The following USP30 variants were observed in gnomAD, a reference collection of about 807,000 sequenced individuals.
USP30 encodes the protein ubiquitin specific peptidase 30.
USP30 carries 41 observed loss-of-function variants against 68.2 expected under a neutral mutation model. The observed-to-expected ratio is 0.60, with a 90% CI of 0.47 to 0.78. The LOEUF is 0.78. Ranked by LOEUF, USP30 falls within the 30% of genes least tolerant of loss-of-function variation. USP30 has a pLI of 0.00. For synonymous variants in USP30, 229 were observed against 253.7 expected (o/e 0.90, Z 0.93); for missense variants, 522 against 649.4 (o/e 0.80, Z 2.13).
At chr12:109,031,752 CA>C (rs1323286307) in intron 3 of USP30, among the ~76,000 whole-genome samples, 5 of 151,998 alleles carry the variant, frequency 3.3e-5, no homozygotes, top group African/African-American at 1.2e-4. Flanking sequence ...CCAGTAACAA[CA>C]AAAAAATATT....
chr12:109,036,056 A>T (rs978056779), intron 3 of USP30, among the ~76,000 whole-genome samples: 6 of 152,092 alleles, frequency 3.9e-5, no homozygotes, highest in African/African-American at 1.2e-4. Flanking sequence ...GCTAATTGGG[A>T]GGCTGAGGTG....
intron 3 of USP30, among the ~76,000 whole-genome samples, chr12:109,033,507 T>C (rs909997164): frequency 2.4e-4 from 36 of 152,188 alleles, no homozygotes; most frequent in Admixed American, 1.2e-3. Context: ...ATTATTAATA[T>C]AGCCTTGGAG....
At chr12:109,053,851 C>A in intron 1 of USP30, 1 of 328,386 alleles carries the variant, frequency 3.0e-6, no homozygotes, top group South Asian at 2.5e-5. Context: ...CTCTCCCATC[C>A]CCTTGACACT....
chr12:109,033,049 A>T (rs535560444), intron 3 of USP30, among the ~76,000 whole-genome samples: 359 of 152,370 alleles, frequency 2.4e-3, no homozygotes, highest in Admixed American at 4.2e-3. Context: ...TCCTATTCTT[A>T]TCAAGACAGT....
chr12:109,047,550 A>G (rs1180196805), intron 3 of USP30: 1 of 152,248 alleles, frequency 6.6e-6, no homozygotes, highest in Non-Finnish European at 1.5e-5. Context: ...AAACACAAAT[A>G]CATTATACAT....
At chr12:109,044,988 C>A (rs1269333459) in intron 3 of USP30, among the ~76,000 whole-genome samples, 1 of 100,184 alleles carries the variant, frequency 1.0e-5, no homozygotes. Context: ...GGTCAAACAT[C>A]TTTTTTTTTT....
rs749573660 is a variant in USP30 at position 109,063,958 on chromosome 12, C to T, written c.377-3566C>T. Among the ~76,000 whole-genome samples the T allele has an allele frequency of 8.4e-4, 127 of 150,846 alleles. 1 individual carries two copies. Among genetic ancestry groups the T allele is most frequent in the Admixed American group, 1.5e-3 (22 of 15,134 alleles). On this transcript the variant is annotated intron_variant, in intron 3 of 12. Coordinates refer to ENST00000257548, the MANE Select transcript of USP30 (RefSeq NM_032663.5). The stretch of plus-strand genomic sequence containing the variant: ...CGCCATCTCAGCTCACTGCGACCTC[C>T]GCCTCCTGAGTTCTAAGCGATTCTC...
At position 109,056,661 on chromosome 12, in the gene USP30, TA is replaced by T; in HGVS notation, c.84-18del. The stretch of plus-strand genomic sequence containing the variant: ...TTTGTGTTTGTGTGAGGGAAGACAG[TA>T]AACTTGTTTTCTTTTTTAGATATAA... On this transcript the variant is annotated intron_variant, in intron 1 of 12. Coordinates refer to ENST00000257548, the MANE Select transcript of USP30 (RefSeq NM_032663.5). 2 of 1,574,816 alleles carry T rather than the reference TA, an allele frequency of 1.3e-6. No homozygotes were observed. The highest frequency in any genetic ancestry group is 3.6e-5 in the Admixed American group (2 of 55,320).
intron 3 of USP30, among the ~76,000 whole-genome samples, chr12:109,063,949 T>C (rs982189324): frequency 4.9e-4 from 73 of 148,448 alleles, no homozygotes; most frequent in Non-Finnish European, 1.3e-4. Context: ...CTCAGCTCAC[T>C]GCGACCTCCG....
intron 3 of USP30, among the ~76,000 whole-genome samples, chr12:109,042,386 A>C (rs1171802184): frequency 6.6e-6 from 1 of 152,184 alleles, no homozygotes; most frequent in Non-Finnish European, 1.5e-5. Context: ...GTGTGCTCCC[A>C]GTTACTTATT....
chr12:109,055,400 A>ATATATATATATTTTTTTT (rs1298811530), intron 1 of USP30, among the ~76,000 whole-genome samples: 2 of 24,474 alleles, frequency 8.2e-5, no homozygotes, highest in African/African-American at 2.2e-4. Context: ...ATATATATAT[A>ATATATATATATTTTTTTT]TTTTTTTTTT....
Position 109,052,625 on chromosome 12 carries a change from C to CGGT in USP30, c.-52_-51insTGG. The stretch of plus-strand genomic sequence containing the variant: ...GGAACCGTCGTATCCCTCGGTCCGG[C>CGGT]GGCGGCGGCGGCGGTAGCGGAGGAG... On this transcript the variant is annotated 5_prime_UTR_variant, in exon 1 of 13. Transcript: ENST00000257548. 7.0e-7 allele frequency: 1 copy of CGGT among 1,437,724 alleles called. No homozygotes were observed. Among genetic ancestry groups the CGGT allele is most frequent in the Non-Finnish European group, 9.1e-7 (1 of 1,099,856 alleles). 89.1% of individuals were successfully genotyped at this position (1,437,724 alleles called of 1,614,324 possible). A position where few individuals can be genotyped will look rare whatever the true frequency, so the allele number is the denominator to read the frequency against.
intron 3 of USP30, among the ~76,000 whole-genome samples, chr12:109,040,825 C>T (rs534235335): frequency 3.9e-4 from 59 of 152,302 alleles, no homozygotes; most frequent in African/African-American, 1.2e-3. Context: ...TATTTTATGA[C>T]CTGGCTTTGG....
chr12:109,085,090 A>G lies in USP30; in HGVS notation c.1289+17A>G, dbSNP rs766807132. 2 of 1,532,722 alleles carry G rather than the reference A, an allele frequency of 1.3e-6. No homozygotes were observed. The highest frequency in any genetic ancestry group is 1.8e-6 in the Non-Finnish European group (2 of 1,134,526). 94.9% of individuals were successfully genotyped at this position (1,532,722 alleles called of 1,614,324 possible). ...CGACTACAGGTGAGCCACCCTTTAC[A>G]AGCCCCATCTTAGAGCTACCACTGC... On this transcript the variant is annotated intron_variant, in intron 12 of 12. Coordinates refer to ENST00000257548, the MANE Select transcript of USP30 (RefSeq NM_032663.5).
At chr12:109,026,429 TA>T (rs1347598192) in intron 2 of USP30, among the ~76,000 whole-genome samples, 5 of 151,990 alleles carry the variant, frequency 3.3e-5, no homozygotes, top group Non-Finnish European at 5.9e-5. Flanking sequence ...TCAGTTGCCA[TA>T]ACAAAATATC....
chr12:109,079,339 CT>C (rs750712233), intron 7 of USP30, among the ~76,000 whole-genome samples: 11,555 of 61,660 alleles, frequency 0.19, 984 homozygotes, highest in South Asian at 0.29. Context: ...TTTTCTTTTT[CT>C]TTTTTTTTTT....
At chr12:109,038,042 A>G (rs2040534024) in intron 3 of USP30, among the ~76,000 whole-genome samples, 1 of 151,832 alleles carries the variant, frequency 6.6e-6, no homozygotes, top group Non-Finnish European at 1.5e-5. Context: ...TCCCAGGTAC[A>G]TGTGCAGGAT....
Position 109,070,234 on chromosome 12 carries a change from G to A in USP30, c.481-1378G>A, listed in dbSNP as rs1192202521. ...TGTGGCTCAGACTGGGGTCGAAGCA[G>A]GGTAGCTGAGAGTCCTCAGGAATTT... On this transcript the variant is annotated intron_variant, in intron 4 of 12. Transcript: ENST00000257548. The surrounding 1 kb of genome is among the most constrained non-coding windows in gnomAD (Gnocchi z 4.0). 2.6e-5 allele frequency among the ~76,000 whole-genome samples: 4 copies of A among 152,192 alleles called. No individual in the cohort carries two copies. The highest frequency in any genetic ancestry group is 1.9e-4 in the East Asian group (1 of 5,192).
At chr12:109,027,497 C>G (rs907467305) in exon 3 of USP30, 5 of 152,180 alleles carry the variant, frequency 3.3e-5, no homozygotes. Flanking sequence ...CCAGGCTGGT[C>G]TCGAACTCCG....
Sources: allele counts gnomAD v4.1 joint callset (sites outside exome capture counted in the v4.1 genomes callset), GRCh38; gene constraint gnomAD v4.1.1; non-coding constraint Gnocchi (gnomAD v3.1); transcripts MANE v1.5; gene names NCBI Gene and HGNC (gene_info 2026-07-23, HGNC 2026-07-21).